Variants in RFX3 observed in about 807,000 individuals in gnomAD.
RFX3 encodes regulatory factor X3, also known as transcription factor RFX3.
Under a neutral mutation model 98.6 loss-of-function variants are expected in RFX3, and 14 were observed. The observed-to-expected ratio is 0.14, with a 90% CI of 0.09 to 0.22. The LOEUF is 0.22. Ranked by LOEUF, RFX3 falls within the 10% of genes least tolerant of loss-of-function variation. The pLI is 1.00. For missense variants in RFX3, 639 were observed against 926.9 expected, an observed-to-expected ratio of 0.69 and a Z score of 4.03; for synonymous variants, 383 against 328.4, an observed-to-expected ratio of 1.17 and a Z score of -1.80.
chr9:3,225,186 T>C lies in RFX3; in HGVS notation c.2106A>G (p.Ala702=). ...AKREKTELSQ[A]FPVGCMQPVL... is the part of the protein sequence containing the mutation. ...CAGGCTGCATGCAGCCCACTGGAAA[T>C]GCCTGGCTCAGCTCTGTTTTCTCTC... The change falls in exon 17 of 17, where the codon GCA becomes GCG. Residue 702 remains alanine, a synonymous_variant. Transcript: ENST00000617270. 2.5e-6 allele frequency: 4 copies of C among 1,613,948 alleles called. No homozygotes were observed. The highest frequency in any genetic ancestry group is 3.4e-6 in the Non-Finnish European group (4 of 1,179,930).
At chr9:3,478,266 C>G (rs1213365374) in intron 1 of RFX3, among the ~76,000 whole-genome samples, 1 of 152,038 alleles carries the variant, frequency 6.6e-6, no homozygotes, top group African/African-American at 2.4e-5. Flanking sequence ...AATCTCATAT[C>G]AGATTGCTCC....
chr9:3,367,309 G>A (rs1837324963), intron 2 of RFX3, among the ~76,000 whole-genome samples: 1 of 152,062 alleles, frequency 6.6e-6, no homozygotes, highest in Non-Finnish European at 1.5e-5. Context: ...TAGGAGTGGG[G>A]AACAGATCCC....
intron 4 of RFX3, among the ~76,000 whole-genome samples, chr9:3,304,838 T>G (rs761079626): frequency 5.9e-5 from 9 of 152,034 alleles, no homozygotes; most frequent in Non-Finnish European, 1.3e-4. Context: ...GAGAACGGAC[T>G]AATATGCCAA....
intron 1 of RFX3, among the ~76,000 whole-genome samples, chr9:3,521,932 T>C (rs1286240059): frequency 6.6e-6 from 1 of 152,098 alleles, no homozygotes; most frequent in Non-Finnish European, 1.5e-5. Context: ...TTTATAAGAA[T>C]TGATAAGTGT....
chr9:3,444,859 C>G (rs76522422), intron 1 of RFX3, among the ~76,000 whole-genome samples: 14,098 of 152,194 alleles, frequency 0.093, 1,622 homozygotes, highest in African/African-American at 0.27. Flanking sequence ...TGCTTTGTAA[C>G]ATAAAGCTTT....
chr9:3,398,925 A>ATAAAAT lies in RFX3; in HGVS notation c.-8-3330_-8-3329insATTTTA, dbSNP rs1398541938. On this transcript the variant is annotated intron_variant, in intron 1 of 16. Transcript: ENST00000617270. ...AACTTAGAGTATAATAAAAAAAAAA[A>ATAAAAT]AAAAAAAAAAAAAAAATTAAAACTA... is the stretch of plus-strand genomic sequence containing the variant. 3.9e-3 allele frequency among the ~76,000 whole-genome samples: 578 copies of ATAAAAT among 148,702 alleles called. 3 individuals are homozygous for ATAAAAT. The highest frequency in any genetic ancestry group is 0.014 in the African/African-American group (547 of 39,882).
intron 3 of RFX3, among the ~76,000 whole-genome samples, chr9:3,337,005 C>T (rs1833268653): frequency 6.6e-6 from 1 of 152,050 alleles, no homozygotes; most frequent in Non-Finnish European, 1.5e-5. Flanking sequence ...GTTTTAAAAG[C>T]TTAAAAGCCA....
rs761282399 is a variant in RFX3, at chr9:3,375,378, T to C, written c.117+20094A>G. 4.6e-5 allele frequency among the ~76,000 whole-genome samples: 7 copies of C among 152,332 alleles called. No individual in the cohort carries two copies. The South Asian group carries it at 1.0e-3, about 23-fold the overall frequency. On this transcript the variant is annotated intron_variant, in intron 2 of 16. Coordinates refer to ENST00000617270, the MANE Select transcript of RFX3 (RefSeq NM_001282116.2). ...ACACCATGATGTAGCTTATTTGTCT[T>C]ATCTAACTCTGTCCATGGCATGCTG...
chr9:3,477,350 A>G (rs1564152935), intron 1 of RFX3, among the ~76,000 whole-genome samples: 1 of 152,200 alleles, frequency 6.6e-6, no homozygotes, highest in African/African-American at 2.4e-5. Context: ...TCAACCTGAA[A>G]GACTCCCTTT....
chr9:3,451,669 T>C (rs1482588239), intron 1 of RFX3, among the ~76,000 whole-genome samples: 3 of 152,202 alleles, frequency 2.0e-5, no homozygotes, highest in Non-Finnish European at 4.4e-5. Flanking sequence ...ACTTCTTATG[T>C]GTAGGCTGCA....
intron 7 of RFX3, among the ~76,000 whole-genome samples, chr9:3,278,634 G>A (rs771376527): frequency 2.3e-4 from 35 of 151,772 alleles, no homozygotes; most frequent in Non-Finnish European, 3.8e-4. Context: ...TGAAGTCACC[G>A]AACCTGGTAG....
intron 1 of RFX3, among the ~76,000 whole-genome samples, chr9:3,458,198 G>A (rs1472010883): frequency 1.3e-5 from 2 of 152,150 alleles, no homozygotes; most frequent in Non-Finnish European, 2.9e-5. Context: ...TATGGGGTCA[G>A]TTATTAAAAA....
At chr9:3,439,516 C>T (rs942159678) in intron 1 of RFX3, among the ~76,000 whole-genome samples, 1 of 151,948 alleles carries the variant, frequency 6.6e-6, no homozygotes, top group Non-Finnish European at 1.5e-5. Context: ...AATATTTTAA[C>T]AACTTTATGC....
intron 2 of RFX3, among the ~76,000 whole-genome samples, chr9:3,379,029 A>G (rs893530916): frequency 1.3e-5 from 2 of 152,208 alleles, no homozygotes; most frequent in Non-Finnish European, 2.9e-5. Flanking sequence ...GTCAATTTAG[A>G]AGGCAACTCA....
At chr9:3,368,820 T>C (rs993869972) in intron 2 of RFX3, among the ~76,000 whole-genome samples, 1 of 152,240 alleles carries the variant, frequency 6.6e-6, no homozygotes, top group African/African-American at 2.4e-5. Context: ...TTAATTTCAA[T>C]GTTCTGTCAT....
chr9:3,235,225 G>C (rs552682556), intron 15 of RFX3, among the ~76,000 whole-genome samples: 3 of 152,226 alleles, frequency 2.0e-5, no homozygotes, highest in Non-Finnish European at 4.4e-5. Context: ...AGGTGAAGAC[G>C]TAAAGAGAGA....
At chr9:3,404,773 C>G (rs1282608045) in intron 1 of RFX3, among the ~76,000 whole-genome samples, 1 of 152,058 alleles carries the variant, frequency 6.6e-6, no homozygotes. Flanking sequence ...CTTTGGTGGT[C>G]TTCGATGGAG....
chr9:3,276,342 T>C (rs560603194), intron 8 of RFX3, among the ~76,000 whole-genome samples: 1 of 152,276 alleles, frequency 6.6e-6, no homozygotes, highest in South Asian at 2.1e-4. Flanking sequence ...AGTCTCTCTG[T>C]GTTCTTTTCT....
intron 2 of RFX3, among the ~76,000 whole-genome samples, chr9:3,384,815 G>C (rs1244239619): frequency 6.6e-6 from 1 of 152,066 alleles, no homozygotes; most frequent in Non-Finnish European, 1.5e-5. Flanking sequence ...CTCTCCCCCA[G>C]CCATATAGAC....
Sources: gnomAD v4.1 joint callset for allele counts (sites outside exome capture counted in the v4.1 genomes callset) on GRCh38, gnomAD v4.1.1 for gene constraint, MANE v1.5 for transcripts, NCBI Gene and HGNC (gene_info 2026-07-23, HGNC 2026-07-21) for gene names.